Variants in CEP89 observed in about 807,000 individuals in gnomAD.
CEP89 encodes the protein centrosomal protein 89.
Under a neutral mutation model 97.6 loss-of-function variants are expected in CEP89, and 95 were observed. The ratio of observed to expected loss-of-function variants is 0.97; its 90% confidence interval spans 0.82 to 1.15. The LOEUF is 1.15. Ranked by LOEUF, CEP89 falls within the 50% of genes most tolerant of loss-of-function variation. The pLI, the probability that CEP89 is intolerant of heterozygous loss-of-function variation, is 0.00. For missense variants in CEP89, 869 were observed against 947.7 expected, an observed-to-expected ratio of 0.92 and a Z score of 1.09; for synonymous variants, 354 against 349.1, an observed-to-expected ratio of 1.01 and a Z score of -0.16.
intron 3 of CEP89, among the ~76,000 whole-genome samples, chr19:32,955,381 C>T (rs1375270505): frequency 6.6e-6 from 1 of 152,272 alleles, no homozygotes; most frequent in East Asian, 1.9e-4. Context: ...ATTTTCCTTG[C>T]TTAGGTGGGG....
At chr19:32,941,313 G>T (rs7251515) in intron 5 of CEP89, among the ~76,000 whole-genome samples, 53,810 of 151,222 alleles carry the variant, frequency 0.36, 9,761 homozygotes, top group Admixed American at 0.48. Flanking sequence ...GACTAGCCTG[G>T]CCAACATAGT....
chr19:32,881,053 A>C (rs946142665), intron 18 of CEP89, among the ~76,000 whole-genome samples: 8 of 152,168 alleles, frequency 5.3e-5, no homozygotes, highest in Non-Finnish European at 1.2e-4. Context: ...TGGGGACTAG[A>C]GCCACCGGCC....
At chr19:32,915,548 G>A in intron 13 of CEP89, 31 bp from the exon 14 acceptor site, 1 of 1,578,516 alleles carries the variant, frequency 6.3e-7, no homozygotes, top group Non-Finnish European at 8.6e-7. Context: ...ATAAAAACTT[G>A]GCACAGAAGA....
intron 9 of CEP89, among the ~76,000 whole-genome samples, chr19:32,927,212 C>T (rs1970379223): frequency 6.6e-6 from 1 of 152,090 alleles, no homozygotes; most frequent in African/African-American, 2.4e-5. Flanking sequence ...ACCTACCCAT[C>T]TATCTATCTA....
chr19:32,898,046 G>A (rs1424906699), intron 16 of CEP89, among the ~76,000 whole-genome samples: 1 of 148,996 alleles, frequency 6.7e-6, no homozygotes, highest in African/African-American at 2.5e-5. Flanking sequence ...TCACAGGCAA[G>A]GAAATCAGTA....
Position 32,918,237 on chromosome 19 carries a change from C to T in CEP89, c.1371G>A (p.Glu457=), listed in dbSNP as rs545507669. ...GAAGGACCTCACCTTCTTGGAGGCG[C>T]TCCTGGTGGCTGTCCTTGGCTTTCC... ...QQRKAKDSHQ[E]RLQEVSKLTK... The change falls in exon 13 of 19, where the codon GAG becomes GAA. Residue 457 remains glutamate, a synonymous_variant. Transcript: ENST00000305768. 6.2e-7 allele frequency: 1 copy of T among 1,613,846 alleles called. No individual in the cohort carries two copies. The highest frequency in any genetic ancestry group is 8.5e-7 in the Non-Finnish European group (1 of 1,179,728).
At chr19:32,939,979 G>A (rs1568571177) in intron 5 of CEP89, 94 bp from the exon 6 acceptor site, 4 of 631,402 alleles carry the variant, frequency 6.3e-6, no homozygotes, top group Non-Finnish European at 1.1e-5. Flanking sequence ...ACCTTCTACA[G>A]AGGAGCTCGA....
intron 13 of CEP89, among the ~76,000 whole-genome samples, chr19:32,915,918 GA>G (rs67539579): frequency 0.038 from 4,566 of 119,574 alleles, 128 homozygotes; most frequent in African/African-American, 0.1. Flanking sequence ...GACTCTCTCA[GA>G]AAAAAAAAAA....
chr19:32,971,905 C>T lies in CEP89; in HGVS notation c.-31G>A. ...CAGCGCGAGGAGAATGGACCGGGGCCTGGACTCATCAGCAGATCTATCCAC... is the reference window on the plus strand; with the variant it reads ...CAGCGCGAGGAGAATGGACCGGGGCTTGGACTCATCAGCAGATCTATCCAC... On this transcript the variant is annotated 5_prime_UTR_variant, in exon 1 of 19. Transcript: ENST00000305768. 1 of 1,574,742 alleles carries T rather than the reference C, an allele frequency of 6.4e-7. No individual in the cohort carries two copies. Among genetic ancestry groups the T allele is most frequent in the Non-Finnish European group, 8.6e-7 (1 of 1,158,700 alleles).
intron 5 of CEP89, among the ~76,000 whole-genome samples, chr19:32,942,836 G>A (rs1469932360): frequency 6.6e-6 from 1 of 151,258 alleles, no homozygotes; most frequent in Non-Finnish European, 1.5e-5. Flanking sequence ...TGTCATGCTG[G>A]GTCTATTCCA....
chr19:32,890,359 C>T (rs953383975), intron 16 of CEP89, among the ~76,000 whole-genome samples: 1 of 152,156 alleles, frequency 6.6e-6, no homozygotes, highest in East Asian at 1.9e-4. Flanking sequence ...AAGATTGTGC[C>T]ACTGCACTTC....
At chr19:32,964,692 T>C (rs1035895469) in intron 2 of CEP89, among the ~76,000 whole-genome samples, 4 of 152,140 alleles carry the variant, frequency 2.6e-5, no homozygotes, top group African/African-American at 9.7e-5. Flanking sequence ...ACTCCACTTA[T>C]ATAAAATTCT....
At chr19:32,928,052 A>G (rs1239180161) in intron 9 of CEP89, among the ~76,000 whole-genome samples, 1 of 150,326 alleles carries the variant, frequency 6.7e-6, no homozygotes, top group Non-Finnish European at 1.5e-5. Flanking sequence ...AGTAGCTGGG[A>G]CTACAGGTGT....
intron 16 of CEP89, among the ~76,000 whole-genome samples, chr19:32,892,187 G>A (rs1969536634): frequency 8.7e-6 from 1 of 114,940 alleles, no homozygotes; most frequent in Non-Finnish European, 1.8e-5. Context: ...TATATATTTA[G>A]AATATATATT....
At chr19:32,885,850 A>G (rs866997826) in intron 17 of CEP89, among the ~76,000 whole-genome samples, 3 of 151,914 alleles carry the variant, frequency 2.0e-5, no homozygotes, top group South Asian at 4.2e-4. Context: ...TGTCCACCGA[A>G]TCCTTTGCAC....
Position 32,915,421 on chromosome 19 carries a change from C to T in CEP89, c.1481G>A (p.Arg494His), listed in dbSNP as rs112339858. Reference protein sequence around the residue: ...AENREQLEILRAKCQELKTHS... With the variant: ...AENREQLEILHAKCQELKTHS... ...TGTTTTGAGTTCTTGGCATTTGGCA[C>T]GTAAAATCTCCAGCTGTTCCCTGTT... is the stretch of plus-strand genomic sequence containing the variant. The change falls in exon 14 of 19, where the codon CGT becomes CAT. Residue 494 changes from arginine (R) to histidine (H), a missense_variant. Physicochemically the swap from Arg to His is conservative, Grantham distance 29 (BLOSUM62 0). Transcript: ENST00000305768. 1.1e-3 allele frequency: 1,792 copies of T among 1,613,858 alleles called. 15 individuals carry two copies. In the African/African-American group the frequency reaches 0.02, roughly 18 times the overall value.
At position 32,956,688 on chromosome 19, in the gene CEP89, T is replaced by C. The variant is rs573659507; in HGVS notation, c.306-2887A>G. Among the ~76,000 whole-genome samples the C allele has an allele frequency of 3.3e-5, 5 of 152,322 alleles. No individual in the cohort carries two copies. In the East Asian group the frequency reaches 9.6e-4, roughly 29 times the overall value. On this transcript the variant is annotated intron_variant, in intron 3 of 18. Transcript: ENST00000305768. Reference sequence around the variant, plus strand: ...GACTTCCATTCCAATTTGAAATTACTAAAATTAATCTACTAAAATTAAAGT... The same window carrying C: ...GACTTCCATTCCAATTTGAAATTACCAAAATTAATCTACTAAAATTAAAGT...
chr19:32,903,592 T>C (rs1969827735), intron 14 of CEP89, among the ~76,000 whole-genome samples: 1 of 152,094 alleles, frequency 6.6e-6, no homozygotes, highest in East Asian at 1.9e-4. Flanking sequence ...AACAATATAT[T>C]GGATGGGACT....
chr19:32,923,574 C>A, intron 11 of CEP89, 32 bp from the exon 12 acceptor site: 1 of 1,268,952 alleles, frequency 7.9e-7, no homozygotes, highest in Non-Finnish European at 1.2e-6. Context: ...TTATAACACA[C>A]ACATACCCAC....
Sources: gnomAD v4.1 joint callset for allele counts (sites outside exome capture counted in the v4.1 genomes callset) on GRCh38, gnomAD v4.1.1 for gene constraint, MANE v1.5 for transcripts, NCBI Gene and HGNC (gene_info 2026-07-23, HGNC 2026-07-21) for gene names.